Variants in TIPRL observed in about 807,000 individuals in gnomAD.
The protein encoded by TIPRL is TOR signaling pathway regulator.
A neutral mutation model predicts 32.3 loss-of-function variants in TIPRL; 10 were observed. That is an observed-to-expected ratio of 0.31 (90% CI 0.19 to 0.52). TIPRL has a LOEUF of 0.52. TIPRL is among the 20% of genes least tolerant of loss of function. The pLI, the probability that TIPRL is intolerant of heterozygous loss-of-function variation, is 0.96. For missense variants in TIPRL, 250 were observed against 328.1 expected (o/e 0.76, Z 1.84); for synonymous variants, 100 against 114.0 (o/e 0.88, Z 0.78).
In TIPRL at chr1:168,200,178, A is replaced by T. The variant is rs970042521; in HGVS notation, c.*132A>T. On this transcript the variant is annotated 3_prime_UTR_variant, in exon 7 of 7. Coordinates refer to ENST00000367833, the MANE Select transcript of TIPRL (RefSeq NM_152902.5). The stretch of plus-strand genomic sequence containing the variant: ...TTCTGTAGCCTTAAAGGAAAAAAAA[A>T]TAAAGATCGTTACAGGCAGGTTTCA... 1.1e-5 allele frequency: 11 copies of T among 993,980 alleles called. No homozygotes were observed. In the African/African-American group the frequency reaches 1.3e-4, roughly 12 times the overall value. The allele number at this position is 993,980 out of a possible 1,614,324, so 61.6% of individuals were successfully genotyped here. A position where few individuals can be genotyped will look rare whatever the true frequency, so the allele number is the denominator to read the frequency against.
chr1:168,180,704 A>C (rs1699949520), intron 1 of TIPRL, among the ~76,000 whole-genome samples: 1 of 152,194 alleles, frequency 6.6e-6, no homozygotes, highest in African/African-American at 2.4e-5. Context: ...ACTCACTGAA[A>C]AAAATTAGGA....
intron 4 of TIPRL, among the ~76,000 whole-genome samples, chr1:168,193,483 A>G (rs1255995375): frequency 6.6e-6 from 1 of 152,068 alleles, no homozygotes; most frequent in African/African-American, 2.4e-5. Flanking sequence ...TTCTCTCTTC[A>G]GTTCACCTAG....
rs1700213713 is a variant in TIPRL, at chr1:168,202,038, A to G, written c.*1992A>G. ...GTATTTGCCCATTGCTAAATATGAT[A>G]TATGCCATTTTGTATTTATTTGTCC... On this transcript the variant is annotated 3_prime_UTR_variant, in exon 7 of 7. Transcript: ENST00000367833. 6.6e-6 allele frequency: 1 copy of G among 152,032 alleles called. No homozygotes were observed. The highest frequency in any genetic ancestry group is 2.1e-4 in the South Asian group (1 of 4,828). 9.4% of individuals were successfully genotyped at this position (152,032 alleles called of 1,614,324 possible).
intron 2 of TIPRL, 147 bp downstream of exon 2, chr1:168,184,228 G>C (rs529941129): frequency 1.1e-5 from 9 of 845,356 alleles, no homozygotes; most frequent in Admixed American, 9.6e-5. Flanking sequence ...TATCATTCTA[G>C]AATTCGTTTT....
At chr1:168,180,126 T>C (rs1445514966) in intron 1 of TIPRL, among the ~76,000 whole-genome samples, 1 of 152,186 alleles carries the variant, frequency 6.6e-6, no homozygotes, top group Non-Finnish European at 1.5e-5. Flanking sequence ...GGAGGCCATG[T>C]TGAGGCTGGA....
intron 4 of TIPRL, 86 bp from the exon 5 acceptor site, chr1:168,196,461 T>C (rs1426263374): frequency 1.5e-5 from 15 of 977,006 alleles, no homozygotes; most frequent in Non-Finnish European, 2.0e-5. Context: ...TTTTTTGTTT[T>C]TTGTTTTCAA....
chr1:168,183,415 A>G (rs1699991326), intron 1 of TIPRL, among the ~76,000 whole-genome samples: 1 of 140,910 alleles, frequency 7.1e-6, no homozygotes. Flanking sequence ...CCCCAGGGTG[A>G]AATGTAAATT....
chr1:168,190,781 T>C (rs1444511849), intron 3 of TIPRL, among the ~76,000 whole-genome samples: 5 of 152,212 alleles, frequency 3.3e-5, no homozygotes. Context: ...GTGCATGTCT[T>C]AGAGCTACAA....
At chr1:168,191,675 A>G (rs1184143620) in intron 4 of TIPRL, among the ~76,000 whole-genome samples, 175 bp downstream of exon 4, 1 of 152,116 alleles carries the variant, frequency 6.6e-6, no homozygotes, top group South Asian at 2.1e-4. Context: ...GACCGAGACC[A>G]TCCTGGCTAA....
Position 168,184,000 on chromosome 1 carries a change from A to G in TIPRL, c.203A>G (p.Asn68Ser), listed in dbSNP as rs1335065339. 4.3e-6 allele frequency: 7 copies of G among 1,614,198 alleles called. No individual in the cohort carries two copies. The highest frequency in any genetic ancestry group is 1.1e-5 in the South Asian group (1 of 91,084). ...QHGSGFGIEF[N>S]ATDALRCVNN... Reference sequence around the variant, plus strand: ...GGGTCTGGCTTTGGAATTGAGTTCAATGCTACAGATGCGTTAAGATGTGTA... The same window carrying G: ...GGGTCTGGCTTTGGAATTGAGTTCAGTGCTACAGATGCGTTAAGATGTGTA... The change falls in exon 2 of 7, where the codon AAT (asparagine) becomes AGT (serine). Residue 68 changes from asparagine (N) to serine (S), a missense_variant. Coordinates refer to ENST00000367833, the MANE Select transcript of TIPRL (RefSeq NM_152902.5).
At chr1:168,198,486 AT>A (rs1419538830) in intron 5 of TIPRL, among the ~76,000 whole-genome samples, 1 of 152,176 alleles carries the variant, frequency 6.6e-6, no homozygotes, top group African/African-American at 2.4e-5. Context: ...AAGAATAAAA[AT>A]TTTAAAGCAT....
rs1175215022 is a variant in TIPRL at position 168,200,119 on chromosome 1, T to G, written c.*73T>G. On this transcript the variant is annotated 3_prime_UTR_variant, in exon 7 of 7. Coordinates refer to ENST00000367833, the MANE Select transcript of TIPRL (RefSeq NM_152902.5). ...GCTATTTGTAAGGGGTTATTTTTAT[T>G]ATGAGAATTAATTGCCTTGTTTATG... 6.7e-7 allele frequency: 1 copy of G among 1,493,706 alleles called. No individual in the cohort carries two copies. The highest frequency in any genetic ancestry group is 9.0e-7 in the Non-Finnish European group (1 of 1,106,904). 92.5% of individuals were successfully genotyped at this position (1,493,706 alleles called of 1,614,324 possible). A position where few individuals can be genotyped will look rare whatever the true frequency, so the allele number is the denominator to read the frequency against.
intron 3 of TIPRL, among the ~76,000 whole-genome samples, chr1:168,190,980 T>C (rs953179547): frequency 1.3e-5 from 2 of 152,234 alleles, no homozygotes; most frequent in African/African-American, 4.8e-5. Flanking sequence ...AAGTTCCATA[T>C]GAATGTCCTA....
At chr1:168,195,154 T>C (rs897819128) in intron 4 of TIPRL, among the ~76,000 whole-genome samples, 1 of 152,248 alleles carries the variant, frequency 6.6e-6, no homozygotes, top group African/African-American at 2.4e-5. Flanking sequence ...CTGTCATTAC[T>C]GGGTTATCCT....
At position 168,199,904 on chromosome 1, in the gene TIPRL, A is replaced by G. The variant is rs1471032314; in HGVS notation, c.677A>G (p.His226Arg). Residue 226 changes from histidine (H) to arginine (R), a missense_variant and splice_region_variant, in exon 7 of 7, where the codon CAT (histidine) becomes CGT (arginine). Transcript: ENST00000367833. ...TAATATGATTTATGTATTTCCTAGC[A>G]TGTTCCACCTTCCCTCTTCACGGAA... ...SRESKISSLM[H>R]VPPSLFTEPN... The G allele has an allele frequency of 1.2e-6, 2 of 1,611,850 alleles. No homozygotes were observed. Among genetic ancestry groups the G allele is most frequent in the Non-Finnish European group, 8.5e-7 (1 of 1,179,052 alleles).
chr1:168,194,448 C>A (rs957829525), intron 4 of TIPRL, among the ~76,000 whole-genome samples: 9 of 152,246 alleles, frequency 5.9e-5, no homozygotes, highest in African/African-American at 1.7e-4. Context: ...TTCCTACTCT[C>A]TCCACTGTGC....
intron 3 of TIPRL, 141 bp downstream of exon 3, chr1:168,185,019 G>C: frequency 1.8e-6 from 1 of 545,312 alleles, no homozygotes. Flanking sequence ...AACCTAATGT[G>C]AGGGGGTTTT....
intron 4 of TIPRL, among the ~76,000 whole-genome samples, chr1:168,194,598 T>C (rs1342600521): frequency 3.3e-5 from 5 of 152,244 alleles, no homozygotes; most frequent in Admixed American, 3.3e-4. Context: ...TGTCAAATAA[T>C]AATGATGTGC....
chr1:168,182,499 G>GCA (rs1699980118), intron 1 of TIPRL, among the ~76,000 whole-genome samples: 1 of 152,158 alleles, frequency 6.6e-6, no homozygotes, highest in Non-Finnish European at 1.5e-5. Context: ...GGTGGCACGT[G>GCA]CCTGTAATCC....
Sources: allele counts gnomAD v4.1 joint callset (sites outside exome capture counted in the v4.1 genomes callset), GRCh38; gene constraint gnomAD v4.1.1; transcripts MANE v1.5; gene names NCBI Gene and HGNC (gene_info 2026-07-23, HGNC 2026-07-21).